REXO5: variants seen among roughly 807,000 people sequenced by gnomAD.
REXO5 encodes the protein exonuclease NEF-sp.
In REXO5, 48 loss-of-function variants were observed where a neutral mutation model predicts 88.5. That is an observed-to-expected ratio of 0.54 (90% confidence interval 0.43 to 0.69). REXO5 has a LOEUF of 0.69. Among genes scored for constraint, REXO5 ranks in the 30% least tolerant of loss-of-function variants. The pLI, the probability that REXO5 is intolerant of heterozygous loss-of-function variation, is 0.00. For missense variants in REXO5, 749 were observed against 912.2 expected (o/e 0.82, Z 2.30); for synonymous variants, 311 against 336.5 (o/e 0.92, Z 0.83).
chr16:20,837,800 T>C lies in REXO5; in HGVS notation c.1384-1955T>C, dbSNP rs183720527. ...TTTTGTTTTTGAGACAGGGTCTTGC[T>C]CTATTGCCCAGGCTGGAGTGCAGTG... is the stretch of plus-strand genomic sequence containing the variant. On this transcript the variant is annotated intron_variant, in intron 13 of 19. Coordinates refer to ENST00000261377, the MANE Select transcript of REXO5 (RefSeq NM_030941.3). Among the ~76,000 whole-genome samples, 3 of 152,314 alleles carry C rather than the reference T, an allele frequency of 2.0e-5. No homozygotes were observed. The East Asian group carries it at 5.8e-4, about 29-fold the overall frequency.
intron 2 of REXO5, 26 bp downstream of exon 2, chr16:20,807,117 C>A (rs1201729533): frequency 1.3e-6 from 2 of 1,581,706 alleles, no homozygotes; most frequent in Non-Finnish European, 1.7e-6. Context: ...CCCGAGCAGG[C>A]GGCCCTAGGC....
At position 20,845,131 on chromosome 16, in the gene REXO5, G is replaced by A; in HGVS notation, c.2014G>A (p.Ala672Thr). 2 of 1,614,118 alleles carry A rather than the reference G, an allele frequency of 1.2e-6. No individual in the cohort carries two copies. Among genetic ancestry groups the A allele is most frequent in the Admixed American group, 1.7e-5 (1 of 60,000 alleles). Residue 672 changes from alanine (A) to threonine (T), a missense_variant, in exon 18 of 20, where the codon GCC (alanine) becomes ACC (threonine). Ala to Thr is a moderately conservative substitution (Grantham distance 58). Transcript: ENST00000261377. ...GGACTGGAAGCTGAAAGGCAGGCAT[G>A]CCCTAACCCCCAGGCACCTCCATGC... Reference protein sequence around the residue: ...GKDWKLKGRHALTPRHLHAWL... With the variant: ...GKDWKLKGRHTLTPRHLHAWL...
chr16:20,840,275 T>C (rs568149269), intron 14 of REXO5, 56 bp from the exon 15 acceptor site: 1 of 1,409,220 alleles, frequency 7.1e-7, no homozygotes, highest in Admixed American at 2.2e-5. Context: ...TGACTCATGA[T>C]TTCAGTTCTC....
chr16:20,823,849 G>A (rs1212314769), intron 6 of REXO5, among the ~76,000 whole-genome samples: 1 of 152,196 alleles, frequency 6.6e-6, no homozygotes, highest in Non-Finnish European at 1.5e-5. Flanking sequence ...CTATAGCTGA[G>A]CCTCTGTAGG....
intron 13 of REXO5, among the ~76,000 whole-genome samples, chr16:20,836,072 C>T (rs1033201162): frequency 6.6e-6 from 1 of 152,046 alleles, no homozygotes; most frequent in Non-Finnish European, 1.5e-5. Flanking sequence ...TCCCATTTAC[C>T]CCCACACCCA....
chr16:20,830,990 G>GTTTTTTTTTTTTTTTTTTTTTTTTTCT (rs11337519), intron 11 of REXO5, among the ~76,000 whole-genome samples: 1 of 97,076 alleles, frequency 1.0e-5, no homozygotes, highest in Non-Finnish European at 2.0e-5. Flanking sequence ...TTCTTTTTCT[G>GTTTTTTTTTTTTTTTTTTTTTTTTTCT]TTTTTTTTTT....
chr16:20,830,280 C>T (rs1264949758), intron 11 of REXO5, among the ~76,000 whole-genome samples: 5 of 151,902 alleles, frequency 3.3e-5, no homozygotes, highest in Non-Finnish European at 5.9e-5. Context: ...TCTGCCTCCC[C>T]GGTTCAAGTG....
intron 13 of REXO5, among the ~76,000 whole-genome samples, chr16:20,834,200 T>C (rs1371141243): frequency 6.6e-6 from 1 of 152,254 alleles, no homozygotes; most frequent in Non-Finnish European, 1.5e-5. Context: ...GAGGCAGTTA[T>C]TACTCATCTG....
intron 2 of REXO5, among the ~76,000 whole-genome samples, chr16:20,810,006 C>G (rs538919579): frequency 1.7e-4 from 26 of 152,208 alleles, no homozygotes; most frequent in Non-Finnish European, 3.2e-4. Flanking sequence ...AAGATTTTGT[C>G]ATTAAGCTAG....
rs1596556979 is a variant in REXO5 at position 20,806,640 on chromosome 16, G to A, written c.-68G>A. ...GTGGTTTTAGGCGGCGAAGCCGCTCGGCAGCACCTTCCTTCTTTGCCAGGC... is the reference window on the plus strand; with the variant it reads ...GTGGTTTTAGGCGGCGAAGCCGCTCAGCAGCACCTTCCTTCTTTGCCAGGC... On this transcript the variant is annotated 5_prime_UTR_variant, in exon 1 of 20. Transcript: ENST00000261377. The A allele has an allele frequency of 4.9e-6, 6 of 1,231,720 alleles. No individual in the cohort carries two copies. In the East Asian group the frequency reaches 1.6e-4, roughly 32 times the overall value. 76.3% of individuals were successfully genotyped at this position (1,231,720 alleles called of 1,614,324 possible). A position where few individuals can be genotyped will look rare whatever the true frequency, so the allele number is the denominator to read the frequency against.
Position 20,840,431 on chromosome 16 carries a change from C to T in REXO5, c.1589C>T (p.Pro530Leu). Reference protein sequence around the residue: ...ALKRLFKSFGPVQSMTFVLET... With the variant: ...ALKRLFKSFGLVQSMTFVLET... ...AAGAGGCTGTTTAAAAGCTTTGGCCCAGTCCAGTCAATGACTTTTGTTCTT... is the reference window on the plus strand; with the variant it reads ...AAGAGGCTGTTTAAAAGCTTTGGCCTAGTCCAGTCAATGACTTTTGTTCTT... The change falls in exon 15 of 20, where the codon CCA becomes CTA. Residue 530 changes from proline (P) to leucine (L), a missense_variant. By Grantham distance (98) the Pro-to-Leu change is moderately conservative. Coordinates refer to ENST00000261377, the MANE Select transcript of REXO5 (RefSeq NM_030941.3). The T allele has an allele frequency of 6.4e-7, 1 of 1,566,244 alleles. No individual in the cohort carries two copies. The highest frequency in any genetic ancestry group is 8.7e-7 in the Non-Finnish European group (1 of 1,146,272).
intron 5 of REXO5, among the ~76,000 whole-genome samples, 180 bp from the exon 6 acceptor site, chr16:20,821,582 C>T (rs1352486136): frequency 3.9e-5 from 6 of 152,238 alleles, no homozygotes; most frequent in African/African-American, 1.2e-4. Context: ...GCGTGAGCCA[C>T]TGCACCCTGC....
Position 20,845,099 on chromosome 16 carries a change from C to T in REXO5, c.1982C>T (p.Thr661Ile), listed in dbSNP as rs1228228467. ...GCCCAGCAGGCCCTCAACATTCTCA[C>T]AGGCAAGGACTGGAAGCTGAAAGGC... ...GSAQQALNIL[T>I]GKDWKLKGRH... The change falls in exon 18 of 20, where the codon ACA becomes ATA. Residue 661 changes from threonine to isoleucine, a missense_variant. By Grantham distance (89) the Thr-to-Ile change is moderately conservative. Transcript: ENST00000261377. 1 of 1,614,010 alleles carries T rather than the reference C, an allele frequency of 6.2e-7. No individual in the cohort carries two copies. The highest frequency in any genetic ancestry group is 8.5e-7 in the Non-Finnish European group (1 of 1,180,018).
chr16:20,840,295 T>G (rs754909774), intron 14 of REXO5, 36 bp from the exon 15 acceptor site: 18 of 1,466,176 alleles, frequency 1.2e-5, no homozygotes, highest in Non-Finnish European at 1.6e-5. Flanking sequence ...CTTTCCATAT[T>G]CATTCCCATA....
chr16:20,817,685 C>A (rs1291869796), intron 5 of REXO5, among the ~76,000 whole-genome samples: 1 of 152,220 alleles, frequency 6.6e-6, no homozygotes, highest in Non-Finnish European at 1.5e-5. Context: ...AAGTATTTCA[C>A]TTCATTTTCC....
At chr16:20,848,613 G>A (rs2081646649) in intron 19 of REXO5, among the ~76,000 whole-genome samples, 1 of 152,160 alleles carries the variant, frequency 6.6e-6, no homozygotes, top group Non-Finnish European at 1.5e-5. Flanking sequence ...TACATCAGGT[G>A]GAGACAGATT....
rs2081059866 is a variant in REXO5 at position 20,815,021 on chromosome 16, G to C, written c.346G>C (p.Glu116Gln). Residue 116 changes from glutamate to glutamine, a missense_variant, in exon 4 of 20, where the codon GAG becomes CAG. Transcript: ENST00000261377. Reference sequence around the variant, plus strand: ...GCTACACTTTTACAGGTTCTATTTGGAGTTTGGATGTCTTCGAAAAGCATT... The same window carrying C: ...GCTACACTTTTACAGGTTCTATTTGCAGTTTGGATGTCTTCGAAAAGCATT... ...SQLHFYRFYLEFGCLRKAFRH... is the reference protein window; with the variant it reads ...SQLHFYRFYLQFGCLRKAFRH... 2 of 1,613,428 alleles carry C rather than the reference G, an allele frequency of 1.2e-6. No individual in the cohort carries two copies. The highest frequency in any genetic ancestry group is 1.7e-6 in the Non-Finnish European group (2 of 1,179,882).
At chr16:20,843,195 C>T (rs1347852225) in intron 15 of REXO5, among the ~76,000 whole-genome samples, 1 of 152,094 alleles carries the variant, frequency 6.6e-6, no homozygotes, top group Admixed American at 6.5e-5. Flanking sequence ...AGCTACTCTG[C>T]AGTGTTTGCC....
At chr16:20,848,042 C>T (rs2081637137) in intron 19 of REXO5, among the ~76,000 whole-genome samples, 1 of 152,192 alleles carries the variant, frequency 6.6e-6, no homozygotes, top group East Asian at 1.9e-4. Flanking sequence ...CCCCTGGAAG[C>T]AGCAAATCCT....
Sources: gnomAD v4.1 joint callset for allele counts (sites outside exome capture counted in the v4.1 genomes callset) on GRCh38, gnomAD v4.1.1 for gene constraint, MANE v1.5 for transcripts, NCBI Gene and HGNC (gene_info 2026-07-23, HGNC 2026-07-21) for gene names.